Variants in VAV2 observed in about 807,000 individuals in gnomAD.
VAV2 encodes vav guanine nucleotide exchange factor 2, also known as guanine nucleotide exchange factor VAV2.
In VAV2, 67 loss-of-function variants were observed where a neutral mutation model predicts 132.5. The ratio of observed to expected loss-of-function variants is 0.51; its 90% CI spans 0.42 to 0.62. The LOEUF is 0.62. Among genes scored for constraint, VAV2 ranks in the 20% least tolerant of loss-of-function variants. The pLI, the probability that VAV2 is intolerant of heterozygous loss-of-function variation, is 0.00. For missense variants in VAV2, 938 were observed against 1,153.6 expected (o/e 0.81, Z 2.71); for synonymous variants, 492 against 443.5 (o/e 1.11, Z -1.37).
chr9:133,820,043 T>C (rs1482725234), intron 4 of VAV2, among the ~76,000 whole-genome samples: 1 of 152,244 alleles, frequency 6.6e-6, no homozygotes, highest in African/African-American at 2.4e-5. Context: ...ATCAGAAATA[T>C]GTTGGGTCCT....
At chr9:133,849,891 C>G (rs1837098007) in intron 3 of VAV2, among the ~76,000 whole-genome samples, 1 of 152,196 alleles carries the variant, frequency 6.6e-6, no homozygotes, top group South Asian at 2.1e-4. Flanking sequence ...TCTAGAGGAC[C>G]CTACTTTAAT....
chr9:133,816,401 T>A (rs1199359530), intron 4 of VAV2, among the ~76,000 whole-genome samples: 1 of 152,214 alleles, frequency 6.6e-6, no homozygotes, highest in Non-Finnish European at 1.5e-5. Context: ...GTCTAAGAAA[T>A]CTTTGCTGTC....
At chr9:133,772,100 C>CGGTCACTGCGTGAGGGCCACACGG in intron 25 of VAV2, 54 bp from the exon 26 acceptor site, 2 of 1,486,682 alleles carry the variant, frequency 1.3e-6, no homozygotes, top group South Asian at 1.1e-5. Context: ...ACGGCCCCGG[C>CGGTCACTGCGTGAGGGCCACACGG]CCCCTTGGCA....
rs371456093 is a variant in VAV2 at position 133,844,915 on chromosome 9, G to A, written c.381-10575C>T. Among the ~76,000 whole-genome samples the A allele has an allele frequency of 1.3e-3, 197 of 152,356 alleles. 2 individuals carry two copies. The South Asian group carries it at 0.022, about 17-fold the overall frequency. ...CCCATGAGGGCCCCAGACAGCTCCCGGGTTCCTCAGCAGCCCCAACCAGGA... is the reference window on the plus strand; with the variant it reads ...CCCATGAGGGCCCCAGACAGCTCCCAGGTTCCTCAGCAGCCCCAACCAGGA... On this transcript the variant is annotated intron_variant, in intron 3 of 29. Transcript: ENST00000371850.
intron 3 of VAV2, among the ~76,000 whole-genome samples, chr9:133,848,266 T>C (rs1837022815): frequency 2.0e-5 from 2 of 98,264 alleles, no homozygotes; most frequent in Non-Finnish European, 2.0e-5. Context: ...GGCGACTGAG[T>C]GAGACTCCGT....
intron 1 of VAV2, among the ~76,000 whole-genome samples, chr9:133,983,532 C>T (rs770347244): frequency 6.6e-6 from 1 of 152,202 alleles, no homozygotes; most frequent in Admixed American, 6.5e-5. Flanking sequence ...CGCAGGCAGA[C>T]ACGGGTCACT....
At position 133,762,302 on chromosome 9, in the gene VAV2, A is replaced by G. The variant is rs1833285228; in HGVS notation, c.*1760T>C. 6.5e-6 allele frequency: 1 copy of G among 152,772 alleles called. No individual in the cohort carries two copies. Among genetic ancestry groups the G allele is most frequent in the South Asian group, 2.1e-4 (1 of 4,832 alleles). 9.5% of individuals were successfully genotyped at this position (152,772 alleles called of 1,614,324 possible). A position where few individuals can be genotyped will look rare whatever the true frequency, so the allele number is the denominator to read the frequency against. ...TATTTGTCAACAAACTAAAATATAC[A>G]TCATTTTCTTGCTATTATAAAATCT... On this transcript the variant is annotated 3_prime_UTR_variant, in exon 30 of 30. Coordinates refer to ENST00000371850, the MANE Select transcript of VAV2 (RefSeq NM_001134398.2). This position sits in a 1 kb window ranked among gnomAD's most constrained non-coding sequence, Gnocchi z 5.0.
intron 2 of VAV2, among the ~76,000 whole-genome samples, chr9:133,901,760 G>A (rs917250678): frequency 2.0e-5 from 3 of 152,176 alleles, no homozygotes; most frequent in East Asian, 3.9e-4. Context: ...AGGCCCTCCC[G>A]TAAGCACAGA....
intron 1 of VAV2, among the ~76,000 whole-genome samples, chr9:133,941,189 C>G (rs1841142085): frequency 6.6e-6 from 1 of 152,146 alleles, no homozygotes; most frequent in African/African-American, 2.4e-5. Flanking sequence ...GGGTAGATCA[C>G]TAGAGGTCAG....
intron 1 of VAV2, among the ~76,000 whole-genome samples, chr9:133,964,667 A>C (rs974211304): frequency 2.6e-5 from 4 of 152,232 alleles, no homozygotes; most frequent in Admixed American, 6.5e-5. Flanking sequence ...ATGGCTCAAC[A>C]TACAGAAATC....
At chr9:133,929,589 T>A (rs1156329175) in intron 2 of VAV2, among the ~76,000 whole-genome samples, 1 of 151,516 alleles carries the variant, frequency 6.6e-6, no homozygotes, top group East Asian at 1.9e-4. Flanking sequence ...GAGGGAGGGG[T>A]CTTACTCCAG....
chr9:133,897,402 G>A (rs1839255709), intron 2 of VAV2, among the ~76,000 whole-genome samples: 1 of 152,132 alleles, frequency 6.6e-6, no homozygotes, highest in Non-Finnish European at 1.5e-5. Context: ...CTGCCCCCCT[G>A]TAACCCACCA....
At chr9:133,937,831 G>C (rs1840982156) in intron 2 of VAV2, among the ~76,000 whole-genome samples, 1 of 152,202 alleles carries the variant, frequency 6.6e-6, no homozygotes, top group Non-Finnish European at 1.5e-5. Context: ...GTGCGCTGCT[G>C]CAGGGAGGGG....
intron 1 of VAV2, among the ~76,000 whole-genome samples, chr9:133,947,375 C>G (rs1841397260): frequency 1.3e-5 from 2 of 152,100 alleles, no homozygotes; most frequent in Non-Finnish European, 2.9e-5. Flanking sequence ...GATGAGGAGA[C>G]CGAGACTCAG....
chr9:133,865,433 G>A (rs938407712), intron 2 of VAV2, among the ~76,000 whole-genome samples: 1 of 151,828 alleles, frequency 6.6e-6, no homozygotes, highest in African/African-American at 2.4e-5. Flanking sequence ...TATTCTTAGT[G>A]ACTTCCTCGG....
rs145725074 is a variant in VAV2, at chr9:133,936,549, T to C, written c.321+2554A>G. Among the ~76,000 whole-genome samples, 592 of 152,276 alleles carry C rather than the reference T, an allele frequency of 3.9e-3. 4 individuals carry two copies. Among genetic ancestry groups the C allele is most frequent in the African/African-American group, 0.014 (562 of 41,546 alleles). ...TGAGCCACCATGCCCGACCCAGCCATTGCATCTTTATGTATAAAATAGTGG... is the reference window on the plus strand; with the variant it reads ...TGAGCCACCATGCCCGACCCAGCCACTGCATCTTTATGTATAAAATAGTGG... On this transcript the variant is annotated intron_variant, in intron 2 of 29. Transcript: ENST00000371850.
At chr9:133,944,352 G>GGTA (rs1841285393) in intron 1 of VAV2, among the ~76,000 whole-genome samples, 1 of 152,242 alleles carries the variant, frequency 6.6e-6, no homozygotes. Flanking sequence ...ACCTGAGAGG[G>GGTA]GTACAAAAGG....
chr9:133,877,229 G>GCCAGCGCCTTTCTTCC (rs1838300546), intron 2 of VAV2, among the ~76,000 whole-genome samples: 1 of 152,116 alleles, frequency 6.6e-6, no homozygotes, highest in South Asian at 2.1e-4. Context: ...TCAAACAGTT[G>GCCAGCGCCTTTCTTCC]CCAGCGCCTT....
At chr9:133,837,851 G>A (rs1836533262) in intron 3 of VAV2, among the ~76,000 whole-genome samples, 2 of 151,958 alleles carry the variant, frequency 1.3e-5, no homozygotes, top group African/African-American at 4.8e-5. Flanking sequence ...AGGAGATAAA[G>A]CAGGAATGTT....
Sources: allele counts gnomAD v4.1 joint callset (sites outside exome capture counted in the v4.1 genomes callset), GRCh38; gene constraint gnomAD v4.1.1; non-coding constraint Gnocchi (gnomAD v3.1); transcripts MANE v1.5; gene names NCBI Gene and HGNC (gene_info 2026-07-23, HGNC 2026-07-21).